MARK4: variants seen among roughly 807,000 people sequenced by gnomAD.
The protein encoded by MARK4 is microtubule affinity regulating kinase 4.
MARK4 carries 19 observed loss-of-function variants against 81.5 expected under a neutral mutation model. That is an observed-to-expected ratio of 0.23 (90% CI 0.16 to 0.34). The LOEUF (loss-of-function observed/expected upper bound fraction) is 0.34. MARK4 is among the 10% of genes least tolerant of loss of function. The pLI, the probability that MARK4 is intolerant of heterozygous loss-of-function variation, is 1.00. For missense variants in MARK4, 772 were observed against 1,058.8 expected (o/e 0.73, Z 3.76); for synonymous variants, 436 against 439.0 (o/e 0.99, Z 0.08).
intron 2 of MARK4, 85 bp downstream of exon 2, chr19:45,259,274 C>A: frequency 6.8e-7 from 1 of 1,473,396 alleles, no homozygotes; most frequent in South Asian, 1.3e-5. Context: ...CAGGATTGGC[C>A]CTGGGTTTGC....
chr19:45,285,526 G>T (rs1970731688), intron 12 of MARK4, among the ~76,000 whole-genome samples: 2 of 152,170 alleles, frequency 1.3e-5, no homozygotes, highest in Admixed American at 1.3e-4. Context: ...TGGTGCTTCT[G>T]CCCTACCCCC....
rs35210904 is a variant in MARK4 at position 45,257,383 on chromosome 19, CTT to C, written c.52-1589_52-1588del. On this transcript the variant is annotated intron_variant, in intron 1 of 16. Coordinates refer to ENST00000262891, the MANE Select transcript of MARK4 (RefSeq NM_001199867.2). ...TGATGTAAACACAATTTTTCTTTCTCTTTTTTTTTTTTTTTTTTGAGATGGAG... is the reference window on the plus strand; with the variant it reads ...TGATGTAAACACAATTTTTCTTTCTCTTTTTTTTTTTTTTTTGAGATGGAG... Among the ~76,000 whole-genome samples the C allele has an allele frequency of 7.6e-4, 94 of 124,334 alleles. 1 individual carries two copies. Among genetic ancestry groups the C allele is most frequent in the East Asian group, 6.9e-3 (31 of 4,498 alleles). 81.6% of individuals were successfully genotyped at this position (124,334 alleles called of 152,430 possible). A position where few individuals can be genotyped will look rare whatever the true frequency, so the allele number is the denominator to read the frequency against.
intron 8 of MARK4, among the ~76,000 whole-genome samples, chr19:45,273,868 G>A (rs1687673606): frequency 2.0e-5 from 3 of 152,210 alleles, no homozygotes; most frequent in African/African-American, 2.4e-5. Context: ...TGAAGAGGAG[G>A]GAGTCCCTTC....
chr19:45,252,615 T>C lies in MARK4; in HGVS notation c.51+976T>C, dbSNP rs182752166. On this transcript the variant is annotated intron_variant, in intron 1 of 16. Coordinates refer to ENST00000262891, the MANE Select transcript of MARK4 (RefSeq NM_001199867.2). The stretch of plus-strand genomic sequence containing the variant: ...AGTCTGGCCTTCCAAGGAAGCCCCC[T>C]CCTCAGCTTCAGAGGCCTTCCTCAG... 2.0e-3 allele frequency among the ~76,000 whole-genome samples: 305 copies of C among 151,078 alleles called. 2 individuals are homozygous for C. The highest frequency in any genetic ancestry group is 7.1e-3 in the African/African-American group (293 of 41,076).
intron 16 of MARK4, among the ~76,000 whole-genome samples, chr19:45,300,250 C>T (rs1484999963): frequency 6.9e-6 from 1 of 144,852 alleles, no homozygotes; most frequent in Admixed American, 7.4e-5. Flanking sequence ...GAGGCTGAGG[C>T]AGGAGAATCG....
chr19:45,255,799 C>G (rs921225515), intron 1 of MARK4, among the ~76,000 whole-genome samples: 2 of 152,232 alleles, frequency 1.3e-5, no homozygotes, highest in African/African-American at 4.8e-5. Context: ...TCCTCCCCTC[C>G]TGTTGTCCTC....
Position 45,280,417 on chromosome 19 carries a change from G to A in MARK4, c.1050G>A (p.Glu350=). 1 of 1,614,182 alleles carries A rather than the reference G, an allele frequency of 6.2e-7. No homozygotes were observed. Among genetic ancestry groups the A allele is most frequent in the Non-Finnish European group, 8.5e-7 (1 of 1,180,024 alleles). The part of the protein sequence containing the change: ...GMGYTREEIK[E]SLTSQKYNEV... ...GCTACACACGGGAAGAAATCAAAGA[G>A]TCCTTGACCAGCCAGAAGTACAACG... Residue 350 remains glutamate, a synonymous_variant, in exon 11 of 17, where the codon GAG becomes GAA. Coordinates refer to ENST00000262891, the MANE Select transcript of MARK4 (RefSeq NM_001199867.2).
Position 45,297,895 on chromosome 19 carries a change from C to T in MARK4, c.1818C>T (p.Ala606=), listed in dbSNP as rs780371193. 15 of 1,403,472 alleles carry T rather than the reference C, an allele frequency of 1.1e-5. No individual in the cohort carries two copies. The highest frequency in any genetic ancestry group is 4.5e-5 in the African/African-American group (3 of 67,252). The allele number at this position is 1,403,472 out of a possible 1,614,324, so 86.9% of individuals were successfully genotyped here. The change falls in exon 15 of 17, where the codon GCC becomes GCT. Residue 606 remains alanine (A), a synonymous_variant. Transcript: ENST00000262891. ...TLAHEAAPLP[A]GRPRPTTNLF... ...CCCATGAGGCTGCACCCCTGCCCGC[C>T]GGGCGGCCCCGCCCCACCACCAACC...
chr19:45,284,555 C>CTCA (rs1411947133), intron 12 of MARK4, among the ~76,000 whole-genome samples: 1 of 151,732 alleles, frequency 6.6e-6, no homozygotes, highest in Non-Finnish European at 1.5e-5. Flanking sequence ...ATCGCCTGAC[C>CTCA]TCATGATCCA....
At chr19:45,280,875 A>ATT in intron 12 of MARK4, 141 bp downstream of exon 12, 1 of 1,245,628 alleles carries the variant, frequency 8.0e-7, no homozygotes, top group Non-Finnish European at 1.1e-6. Context: ...TTATAAAGAC[A>ATT]CAGGGCATTG....
In MARK4 at chr19:45,304,851, G is replaced by A. The variant is rs1028040749; in HGVS notation, c.*2141G>A. On this transcript the variant is annotated 3_prime_UTR_variant, in exon 17 of 17. Coordinates refer to ENST00000262891, the MANE Select transcript of MARK4 (RefSeq NM_001199867.2). ...CATACAAGGGCCAGGGAGCAAGAGA[G>A]AGGACAGGTCCTCAACAAATGGCAT... 1 of 152,410 alleles carries A rather than the reference G, an allele frequency of 6.6e-6. No homozygotes were observed. The highest frequency in any genetic ancestry group is 1.5e-5 in the Non-Finnish European group (1 of 68,182). 9.4% of individuals were successfully genotyped at this position (152,410 alleles called of 1,614,324 possible).
chr19:45,280,779 G>C (rs199938981), intron 12 of MARK4, 45 bp downstream of exon 12: 4 of 1,604,814 alleles, frequency 2.5e-6, no homozygotes, highest in Non-Finnish European at 3.4e-6. Context: ...TTCTCCCCAA[G>C]GCCCAGACTT....
At chr19:45,274,614 G>T (rs1005283190) in intron 8 of MARK4, among the ~76,000 whole-genome samples, 1 of 152,154 alleles carries the variant, frequency 6.6e-6, no homozygotes, top group Non-Finnish European at 1.5e-5. Context: ...CTGGATGACA[G>T]AGCAAGACTC....
chr19:45,252,914 C>G (rs940117730), intron 1 of MARK4, among the ~76,000 whole-genome samples: 1 of 151,982 alleles, frequency 6.6e-6, no homozygotes, highest in African/African-American at 2.4e-5. Flanking sequence ...TTCCTAGGAG[C>G]TTCCCCAAGA....
chr19:45,298,296 T>C, intron 15 of MARK4: 1 of 1,479,656 alleles, frequency 6.8e-7, no homozygotes, highest in Non-Finnish European at 9.4e-7. Flanking sequence ...TGTGCGGGCA[T>C]TGGGAGGGGG....
Position 45,302,857 on chromosome 19 carries a change from C to A in MARK4, c.*147C>A. On this transcript the variant is annotated 3_prime_UTR_variant, in exon 17 of 17. Coordinates refer to ENST00000262891, the MANE Select transcript of MARK4 (RefSeq NM_001199867.2). This position sits in a 1 kb window ranked among gnomAD's most constrained non-coding sequence, Gnocchi z 4.9. ...TTGGGGGCAAAGATTGTCCCCTCTG[C>A]TGTTCTCTGGGGCCGCTCAGCACAG... 2 of 1,284,218 alleles carry A rather than the reference C, an allele frequency of 1.6e-6. No homozygotes were observed. The highest frequency in any genetic ancestry group is 2.1e-6 in the Non-Finnish European group (2 of 953,340). 79.6% of individuals were successfully genotyped at this position (1,284,218 alleles called of 1,614,324 possible).
chr19:45,273,974 G>A (rs1407582150), intron 8 of MARK4, among the ~76,000 whole-genome samples: 1 of 152,246 alleles, frequency 6.6e-6, no homozygotes, highest in Non-Finnish European at 1.5e-5. Context: ...TGTGGGCCGG[G>A]CGTGGTGGCT....
intron 2 of MARK4, among the ~76,000 whole-genome samples, chr19:45,262,324 C>T (rs573604583): frequency 4.9e-5 from 6 of 121,226 alleles, no homozygotes; most frequent in Admixed American, 1.3e-4. Flanking sequence ...GGAGACACAG[C>T]GAGACTCTGC....
In MARK4 at chr19:45,263,085, C is replaced by T. The variant is rs371918880; in HGVS notation, c.253-28C>T. 5.2e-5 allele frequency: 82 copies of T among 1,591,234 alleles called. No individual in the cohort carries two copies. The Middle Eastern group carries it at 1.3e-3, about 26-fold the overall frequency. On this transcript the variant is annotated intron_variant, in intron 2 of 16. Transcript: ENST00000262891. ...CCAGTGGGGCTTGTGGCACCTTGAC[C>T]GTCCCTCCTCCTTTCCTCCCCCTCT...
Sources: gnomAD v4.1 joint callset for allele counts (sites outside exome capture counted in the v4.1 genomes callset) on GRCh38, gnomAD v4.1.1 for gene constraint, Gnocchi (gnomAD v3.1) non-coding constraint, MANE v1.5 for transcripts, NCBI Gene and HGNC (gene_info 2026-07-23, HGNC 2026-07-21) for gene names.